The following MCC variants were observed in gnomAD, a reference collection of about 807,000 sequenced individuals.
MCC encodes MCC regulator of Wnt signaling pathway.
MCC carries 90 observed loss-of-function variants against 116.2 expected under a neutral mutation model. That is an observed-to-expected ratio of 0.77 (90% confidence interval 0.65 to 0.92). MCC has a LOEUF of 0.92. Among genes scored for constraint, MCC ranks in the 40% least tolerant of loss-of-function variants. The pLI, the probability that MCC is intolerant of heterozygous loss-of-function variation, is 0.00. For synonymous variants in MCC, 578 were observed against 510.5 expected, an observed-to-expected ratio of 1.13 and a Z score of -1.78; for missense variants, 1,516 against 1,312.2, an observed-to-expected ratio of 1.16 and a Z score of -2.40.
chr5:113,280,897 G>A (rs959081689), intron 3 of MCC, among the ~76,000 whole-genome samples: 1 of 152,184 alleles, frequency 6.6e-6, no homozygotes, highest in Admixed American at 6.5e-5. Context: ...GAAGTCCAAG[G>A]GGTCCAAAGC....
At chr5:113,437,737 G>A (rs141901784) in intron 1 of MCC, among the ~76,000 whole-genome samples, 320 of 152,214 alleles carry the variant, frequency 2.1e-3, no homozygotes, top group African/African-American at 7.3e-3. Flanking sequence ...TGATTCTTTA[G>A]ATGCTTTAAA....
intron 6 of MCC, among the ~76,000 whole-genome samples, chr5:113,121,913 G>A (rs1029187006): frequency 3.3e-5 from 5 of 152,112 alleles, no homozygotes; most frequent in East Asian, 1.9e-4. Context: ...CCTCAACCTC[G>A]ATCTCTTTCC....
At chr5:113,083,151 T>C (rs926831403) in intron 10 of MCC, 143 bp from the exon 11 acceptor site, 7 of 696,674 alleles carry the variant, frequency 1.0e-5, no homozygotes, top group Middle Eastern at 3.5e-4. Flanking sequence ...GTTTGTAGGA[T>C]AGAATCCTAG....
intron 1 of MCC, among the ~76,000 whole-genome samples, chr5:113,418,907 G>A (rs1279086931): frequency 2.6e-5 from 4 of 152,116 alleles, no homozygotes; most frequent in East Asian, 1.9e-4. Flanking sequence ...GCTCCTCTTC[G>A]TGTCTCTCCC....
chr5:113,060,771 A>G (rs1433487111), intron 14 of MCC, among the ~76,000 whole-genome samples: 1 of 152,224 alleles, frequency 6.6e-6, no homozygotes, highest in Non-Finnish European at 1.5e-5. Context: ...AGGACTGATC[A>G]TAATGCTGTC....
chr5:113,441,232 G>A (rs1771030713), intron 1 of MCC, among the ~76,000 whole-genome samples: 1 of 152,120 alleles, frequency 6.6e-6, no homozygotes, highest in African/African-American at 2.4e-5. Flanking sequence ...CTACTCAGGA[G>A]GTTTAGGCAG....
intron 3 of MCC, among the ~76,000 whole-genome samples, chr5:113,173,264 T>C (rs1175797916): frequency 6.6e-6 from 1 of 152,186 alleles, no homozygotes; most frequent in Non-Finnish European, 1.5e-5. Context: ...AGTGTGGTTT[T>C]CTTTTATGTG....
At chr5:113,079,712 A>G (rs1020348035) in intron 11 of MCC, among the ~76,000 whole-genome samples, 1 of 152,274 alleles carries the variant, frequency 6.6e-6, no homozygotes, top group African/African-American at 2.4e-5. Context: ...CCTCTAGAAG[A>G]AAACCTAGGC....
intron 17 of MCC, among the ~76,000 whole-genome samples, chr5:113,037,510 T>A (rs1204395332): frequency 6.6e-6 from 1 of 152,076 alleles, no homozygotes; most frequent in Non-Finnish European, 1.5e-5. Context: ...CTGGGCAACA[T>A]GGTGAAATCC....
At chr5:113,282,496 T>C (rs1165666615) in intron 3 of MCC, among the ~76,000 whole-genome samples, 1 of 152,198 alleles carries the variant, frequency 6.6e-6, no homozygotes, top group East Asian at 1.9e-4. Context: ...TACTGACTTC[T>C]GCTCCCTGCT....
At chr5:113,113,547 T>C (rs546752952) in intron 6 of MCC, among the ~76,000 whole-genome samples, 1 of 151,462 alleles carries the variant, frequency 6.6e-6, no homozygotes, top group South Asian at 2.1e-4. Flanking sequence ...AACAATGTTG[T>C]GGTAGTTTAA....
intron 1 of MCC, among the ~76,000 whole-genome samples, chr5:113,476,664 A>G (rs953384980): frequency 1.3e-5 from 2 of 152,214 alleles, no homozygotes; most frequent in Non-Finnish European, 2.9e-5. Context: ...AACACAAGCA[A>G]TAAAAGGCCA....
intron 1 of MCC, among the ~76,000 whole-genome samples, chr5:113,391,676 A>G (rs1229618586): frequency 1.3e-5 from 2 of 152,014 alleles, no homozygotes; most frequent in African/African-American, 4.8e-5. Context: ...CTATGATTGT[A>G]CTACTGCACT....
At chr5:113,215,118 C>A (rs1487090470) in intron 3 of MCC, among the ~76,000 whole-genome samples, 1 of 152,212 alleles carries the variant, frequency 6.6e-6, no homozygotes, top group South Asian at 2.1e-4. Context: ...TAAGTTTGGG[C>A]TCAGCTATCA....
chr5:113,334,162 C>G (rs886852231), intron 3 of MCC, among the ~76,000 whole-genome samples: 6 of 147,918 alleles, frequency 4.1e-5, no homozygotes, highest in African/African-American at 1.5e-4. Context: ...AGTGAAACTT[C>G]TGTTATGTTT....
chr5:113,218,958 G>A (rs1763436225), intron 3 of MCC, among the ~76,000 whole-genome samples: 1 of 152,176 alleles, frequency 6.6e-6, no homozygotes, highest in East Asian at 1.9e-4. Flanking sequence ...TATGAAATCC[G>A]TGTTTTGTTT....
At chr5:113,370,843 T>C (rs1000638965) in intron 2 of MCC, among the ~76,000 whole-genome samples, 3 of 152,294 alleles carry the variant, frequency 2.0e-5, no homozygotes, top group African/African-American at 4.8e-5. Context: ...AGAAAAACCA[T>C]CTTAGAGACC....
intron 3 of MCC, among the ~76,000 whole-genome samples, chr5:113,221,205 A>G (rs979740311): frequency 6.6e-6 from 1 of 152,200 alleles, no homozygotes; most frequent in Non-Finnish European, 1.5e-5. Context: ...CGCTGTCATA[A>G]AAGAAAATAA....
At chr5:113,363,699 A>G (rs1398006055) in intron 2 of MCC, among the ~76,000 whole-genome samples, 7 of 152,068 alleles carry the variant, frequency 4.6e-5, no homozygotes, top group Admixed American at 4.6e-4. Context: ...CCACCTCTGG[A>G]CCCTCCAAAT....
Sources: gnomAD v4.1 joint callset for allele counts (sites outside exome capture counted in the v4.1 genomes callset) on GRCh38, gnomAD v4.1.1 for gene constraint, MANE v1.5 for transcripts, NCBI Gene and HGNC (gene_info 2026-07-23, HGNC 2026-07-21) for gene names.